The following CFAP97D2 variants were observed in gnomAD, a reference collection of about 807,000 sequenced individuals.
CFAP97D2 encodes uncharacterized protein CFAP97D2.
At chr13:114,182,510 A>C (rs186150046) in intron 1 of CFAP97D2, among the ~76,000 whole-genome samples, 1 of 150,162 alleles carries the variant, frequency 6.7e-6, no homozygotes, top group Admixed American at 6.6e-5. Context: ...GCTGGGGTAC[A>C]GTCAGGTCTT....
chr13:114,182,470 A>G (rs370071749), intron 1 of CFAP97D2, among the ~76,000 whole-genome samples: 18 of 151,414 alleles, frequency 1.2e-4, no homozygotes, highest in African/African-American at 4.1e-4. Flanking sequence ...TTACTAATCC[A>G]CCTCAGCACA....
chr13:114,213,685 C>T (rs1375612319), intron 4 of CFAP97D2, among the ~76,000 whole-genome samples: 1 of 147,900 alleles, frequency 6.8e-6, no homozygotes, highest in Non-Finnish European at 1.5e-5. Flanking sequence ...ACCATGAACC[C>T]CACCCCTGCA....
chr13:114,206,104 CTTT>C (rs57411812), intron 3 of CFAP97D2, among the ~76,000 whole-genome samples: 12 of 137,982 alleles, frequency 8.7e-5, no homozygotes, highest in Admixed American at 2.2e-4. Context: ...TTTTCTTTTC[CTTT>C]TTTTTTTTTT....
chr13:114,201,734 C>T (rs2080918934), intron 3 of CFAP97D2, among the ~76,000 whole-genome samples: 1 of 152,198 alleles, frequency 6.6e-6, no homozygotes, highest in South Asian at 2.1e-4. Flanking sequence ...TCAGGGGAGT[C>T]TCAGCTGCTT....
intron 4 of CFAP97D2, among the ~76,000 whole-genome samples, chr13:114,212,685 TA>T (rs948954496): frequency 3.3e-5 from 5 of 151,596 alleles, no homozygotes; most frequent in African/African-American, 9.7e-5. Context: ...CTGTCTCTAC[TA>T]AAAAAAATAC....
intron 4 of CFAP97D2, among the ~76,000 whole-genome samples, chr13:114,218,773 G>A (rs185510814): frequency 1.4e-3 from 220 of 152,218 alleles, no homozygotes; most frequent in African/African-American, 5.1e-3. Flanking sequence ...ACAAGAAATG[G>A]GGAAAGGATT....
Position 114,185,458 on chromosome 13 carries a change from G to A in CFAP97D2, c.90+6038G>A, listed in dbSNP as rs370100821. Among the ~76,000 whole-genome samples the A allele has an allele frequency of 6.6e-5, 10 of 152,274 alleles. No individual in the cohort carries two copies. The highest frequency in any genetic ancestry group is 3.9e-4 in the East Asian group (2 of 5,174). On this transcript the variant is annotated intron_variant, in intron 1 of 4. Transcript: ENST00000646158. The surrounding 1 kb of genome is among the most constrained non-coding windows in gnomAD (Gnocchi z 5.2). ...CACGGAGCCTGTGGGAGCCAGGAATGAGTGGGAGCCCCACCCCTTCTGAGT... is the reference window on the plus strand; with the variant it reads ...CACGGAGCCTGTGGGAGCCAGGAATAAGTGGGAGCCCCACCCCTTCTGAGT...
At chr13:114,182,042 A>G (rs543851924) in intron 1 of CFAP97D2, among the ~76,000 whole-genome samples, 10 of 152,254 alleles carry the variant, frequency 6.6e-5, no homozygotes, top group African/African-American at 2.4e-4. Context: ...GGCGCTCAGC[A>G]TACCAAGGAC....
chr13:114,182,005 G>A (rs902611815), intron 1 of CFAP97D2, among the ~76,000 whole-genome samples: 4 of 152,180 alleles, frequency 2.6e-5, no homozygotes, highest in African/African-American at 9.7e-5. Context: ...ACAAAGTATA[G>A]AGAAATAACA....
chr13:114,212,097 A>G (rs2080969454), exon 4 of CFAP97D2: 2 of 398,544 alleles, frequency 5.0e-6, no homozygotes, highest in South Asian at 1.3e-4. Context: ...ACGCCTAGCA[A>G]AAAGGTACCC....
At chr13:114,208,418 T>C (rs1211991978) in intron 3 of CFAP97D2, among the ~76,000 whole-genome samples, 2 of 152,226 alleles carry the variant, frequency 1.3e-5, no homozygotes, top group Admixed American at 1.3e-4. Flanking sequence ...AGGCAGCCAA[T>C]TATATTGAAG....
rs2080944160 is a variant in CFAP97D2 at position 114,207,117 on chromosome 13, G to C, written c.291-4795G>C. ...GGCAGCAGTGTCCCCGCATCCACCT[G>C]GTGTGGGCAAGGCACAAGCTCAGCC... On this transcript the variant is annotated intron_variant, in intron 3 of 4. Coordinates refer to ENST00000646158, the Ensembl canonical transcript of CFAP97D2. This position sits in a 1 kb window ranked among gnomAD's most constrained non-coding sequence, Gnocchi z 4.9. 6.6e-6 allele frequency among the ~76,000 whole-genome samples: 1 copy of C among 152,208 alleles called. No individual in the cohort carries two copies. Among genetic ancestry groups the C allele is most frequent in the Non-Finnish European group, 1.5e-5 (1 of 68,036 alleles).
intron 1 of CFAP97D2, among the ~76,000 whole-genome samples, chr13:114,182,244 A>G (rs764125665): frequency 6.7e-4 from 101 of 151,346 alleles, no homozygotes; most frequent in Non-Finnish European, 9.0e-4. Context: ...CGTAGGCCAG[A>G]TTTATGTTTC....
In CFAP97D2 at chr13:114,198,815, G is replaced by A. The variant is rs1270981799; in HGVS notation, c.172-1510G>A. On this transcript the variant is annotated intron_variant, in intron 2 of 4. Transcript: ENST00000646158. Reference sequence around the variant, plus strand: ...CGTGACAGTGGGTCCCCGTGTGTACGGTCCCCGCTGAGGCGTGACAGCGCG... The same window carrying A: ...CGTGACAGTGGGTCCCCGTGTGTACAGTCCCCGCTGAGGCGTGACAGCGCG... Among the ~76,000 whole-genome samples the A allele has an allele frequency of 2.8e-5, 2 of 71,246 alleles. 1 individual carries two copies. The highest frequency in any genetic ancestry group is 1.2e-3 in the East Asian group (2 of 1,612). 46.7% of individuals were successfully genotyped at this position (71,246 alleles called of 152,430 possible).
At chr13:114,217,069 G>T (rs544165103) in intron 4 of CFAP97D2, among the ~76,000 whole-genome samples, 2 of 152,210 alleles carry the variant, frequency 1.3e-5, no homozygotes, top group East Asian at 3.9e-4. Flanking sequence ...TCATGTGTCT[G>T]TTGGCTGCAT....
chr13:114,212,856 TAAATA>T (rs1229634544), intron 4 of CFAP97D2, among the ~76,000 whole-genome samples: 1 of 151,624 alleles, frequency 6.6e-6, no homozygotes, highest in African/African-American at 2.4e-5. Flanking sequence ...CGTCTCAAAA[TAAATA>T]AAATAAAAAT....
downstream of CFAP97D2, chr13:114,222,884 CAG>C (rs2081027243): frequency 8.9e-6 from 2 of 223,818 alleles, no homozygotes; most frequent in Admixed American, 1.2e-4. This position sits in a 1 kb window ranked among gnomAD's most constrained non-coding sequence, Gnocchi z 4.4. Context: ...ACAAACTATG[CAG>C]AGTCATGTTA....
intron 4 of CFAP97D2, among the ~76,000 whole-genome samples, chr13:114,217,111 A>G (rs538845413): frequency 4.9e-4 from 74 of 152,288 alleles, no homozygotes; most frequent in African/African-American, 1.7e-3. Flanking sequence ...GTCTGTTCAT[A>G]TGCTTTGCCC....
chr13:114,214,035 C>G (rs140922017), intron 4 of CFAP97D2: 1 of 152,572 alleles, frequency 6.6e-6, no homozygotes, highest in Non-Finnish European at 1.5e-5. Context: ...TAACCCTAAC[C>G]CTAACCCTAA....
Sources: allele counts gnomAD v4.1 joint callset (sites outside exome capture counted in the v4.1 genomes callset), GRCh38; gene constraint gnomAD v4.1.1; non-coding constraint Gnocchi (gnomAD v3.1); transcripts MANE v1.5; gene names NCBI Gene and HGNC (gene_info 2026-07-23, HGNC 2026-07-21).